ULK4: variants seen among roughly 807,000 people sequenced by gnomAD.
ULK4 encodes the protein unc-51 like kinase 4, also known as inactive serine/threonine-protein kinase ULK4.
ULK4 carries 133 observed loss-of-function variants against 160.6 expected under a neutral mutation model. The ratio of observed to expected loss-of-function variants is 0.83; its 90% CI spans 0.72 to 0.96. The LOEUF is 0.96. Among genes scored for constraint, ULK4 ranks in the 40% least tolerant of loss-of-function variants. The pLI, the probability that ULK4 is intolerant of heterozygous loss-of-function variation, is 0.00. For synonymous variants in ULK4, 534 were observed against 539.8 expected (o/e 0.99, Z 0.15); for missense variants, 1,580 against 1,499.5 (o/e 1.05, Z -0.89).
At chr3:41,760,018 C>T (rs1185129165) in intron 21 of ULK4, among the ~76,000 whole-genome samples, 2 of 151,980 alleles carry the variant, frequency 1.3e-5, no homozygotes, top group African/African-American at 4.8e-5. Flanking sequence ...CTGTGAAGGA[C>T]ACTGTAAGAA....
chr3:41,322,135 AGTT>A (rs1378130339), intron 35 of ULK4, among the ~76,000 whole-genome samples: 1 of 144,138 alleles, frequency 6.9e-6, no homozygotes, highest in Non-Finnish European at 1.5e-5. Flanking sequence ...GGGTTCAAGC[AGTT>A]GTTGTGCCTC....
chr3:41,347,090 G>C (rs916199757), intron 35 of ULK4, among the ~76,000 whole-genome samples: 1 of 151,930 alleles, frequency 6.6e-6, no homozygotes, highest in Non-Finnish European at 1.5e-5. Flanking sequence ...AACCCACATA[G>C]GATTCATAAG....
chr3:41,792,291 G>C (rs2040173788), intron 20 of ULK4, among the ~76,000 whole-genome samples: 1 of 152,064 alleles, frequency 6.6e-6, no homozygotes, highest in South Asian at 2.1e-4. Context: ...AGGGGTGTGT[G>C]TGTGTATAGA....
intron 35 of ULK4, among the ~76,000 whole-genome samples, chr3:41,360,353 C>G (rs990103649): frequency 1.3e-5 from 2 of 152,112 alleles, no homozygotes; most frequent in African/African-American, 4.8e-5. Flanking sequence ...TGGAAGACAG[C>G]GTAGCAATTC....
chr3:41,751,852 C>T (rs1435035209), intron 22 of ULK4, among the ~76,000 whole-genome samples: 3 of 152,160 alleles, frequency 2.0e-5, no homozygotes, highest in African/African-American at 7.2e-5. Context: ...GCACAGGAAA[C>T]AGCAACCAAG....
chr3:41,681,747 A>G lies in ULK4; in HGVS notation c.2833+6T>C. ...ATGCAATTCTTGCTGGTGTCATCACACTTACCATTTTGGCTTTGAACCAAG... is the reference window on the plus strand; with the variant it reads ...ATGCAATTCTTGCTGGTGTCATCACGCTTACCATTTTGGCTTTGAACCAAG... On this transcript the variant is annotated splice_donor_region_variant and intron_variant, in intron 28 of 36. Coordinates refer to ENST00000301831, the MANE Select transcript of ULK4 (RefSeq NM_017886.4). The G allele has an allele frequency of 6.2e-7, 1 of 1,614,130 alleles. No homozygotes were observed. Among genetic ancestry groups the G allele is most frequent in the South Asian group, 1.1e-5 (1 of 91,088 alleles).
At chr3:41,401,805 C>G (rs772847836) in intron 34 of ULK4, among the ~76,000 whole-genome samples, 11 of 152,136 alleles carry the variant, frequency 7.2e-5, no homozygotes, top group Non-Finnish European at 1.6e-4. Context: ...CCATCATTGA[C>G]TGCACTAAGT....
chr3:41,518,008 C>G (rs188950849), intron 32 of ULK4, among the ~76,000 whole-genome samples: 12 of 152,274 alleles, frequency 7.9e-5, no homozygotes, highest in African/African-American at 2.6e-4. Context: ...CAACCCAAAT[C>G]AGAACCGTGT....
At chr3:41,566,539 T>G (rs775579050) in intron 31 of ULK4, among the ~76,000 whole-genome samples, 5 of 152,250 alleles carry the variant, frequency 3.3e-5, no homozygotes, top group Non-Finnish European at 5.9e-5. Context: ...CTGATATTTT[T>G]CCCACTTTAG....
intron 4 of ULK4, among the ~76,000 whole-genome samples, chr3:41,935,465 G>C (rs913328892): frequency 6.6e-5 from 10 of 151,310 alleles, no homozygotes; most frequent in African/African-American, 2.4e-4. Flanking sequence ...TCTTGACCTC[G>C]TGATCCGCCC....
chr3:41,495,393 G>T (rs1456685192), intron 32 of ULK4, among the ~76,000 whole-genome samples: 4 of 151,956 alleles, frequency 2.6e-5, no homozygotes, highest in Non-Finnish European at 5.9e-5. Context: ...AGCTGAAACT[G>T]GATCCCTTCC....
In ULK4 at chr3:41,776,151, T is replaced by C. The variant is rs187689419; in HGVS notation, c.2193+13510A>G. 5.6e-4 allele frequency among the ~76,000 whole-genome samples: 85 copies of C among 151,186 alleles called. 2 individuals are homozygous for C. The highest frequency in any genetic ancestry group is 1.5e-3 in the South Asian group (7 of 4,826). ...TACATGTTCGCCAATCTGAAGATTA[T>C]AGAATAGTCATTTTAACTTTCATTT... is the stretch of plus-strand genomic sequence containing the variant. On this transcript the variant is annotated intron_variant, in intron 21 of 36. Coordinates refer to ENST00000301831, the MANE Select transcript of ULK4 (RefSeq NM_017886.4).
chr3:41,807,114 C>G (rs1252912549), intron 19 of ULK4, among the ~76,000 whole-genome samples: 1 of 151,502 alleles, frequency 6.6e-6, no homozygotes, highest in African/African-American at 2.4e-5. Flanking sequence ...GGCAATACAG[C>G]CAGATCTTGT....
At chr3:41,959,397 G>A (rs1407664218) in intron 1 of ULK4, among the ~76,000 whole-genome samples, 1 of 150,398 alleles carries the variant, frequency 6.6e-6, no homozygotes, top group East Asian at 2.0e-4. Flanking sequence ...CATGGTGGCG[G>A]GCGCCTGTAA....
intron 35 of ULK4, among the ~76,000 whole-genome samples, chr3:41,387,097 A>T (rs1021923253): frequency 3.4e-4 from 52 of 151,824 alleles, no homozygotes; most frequent in Non-Finnish European, 3.5e-4. Context: ...GATAGACTTT[A>T]AAAAAAATTG....
In ULK4 at chr3:41,663,600, C is replaced by T. The variant is rs2035255433; in HGVS notation, c.3071+7G>A. 1 of 1,611,290 alleles carries T rather than the reference C, an allele frequency of 6.2e-7. No individual in the cohort carries two copies. The highest frequency in any genetic ancestry group is 8.5e-7 in the Non-Finnish European group (1 of 1,177,644). On this transcript the variant is annotated splice_region_variant and intron_variant, in intron 30 of 36. Transcript: ENST00000301831. ...ACACAAGAAAAAGAAATTTGAACTT[C>T]CAGTACCTTGTGAAAGTTGGGTTGT...
In ULK4 at chr3:41,285,165, T is replaced by A. The variant is rs368370015; in HGVS notation, c.3679-35591A>T. ...GGAATGTAAACTAGCACAGCCACTA[T>A]GGAAAACAGTGTGGAGATTCCTTAA... On this transcript the variant is annotated intron_variant, in intron 35 of 36. Coordinates refer to ENST00000301831, the MANE Select transcript of ULK4 (RefSeq NM_017886.4). Among the ~76,000 whole-genome samples the A allele has an allele frequency of 8.5e-5, 13 of 152,318 alleles. No homozygotes were observed. The East Asian group carries it at 1.9e-3, about 23-fold the overall frequency.
chr3:41,536,861 T>TGAC (rs56054918), intron 32 of ULK4, among the ~76,000 whole-genome samples: 6 of 151,568 alleles, frequency 4.0e-5, no homozygotes, highest in African/African-American at 1.2e-4. Flanking sequence ...ATAATTTGTC[T>TGAC]TTTTGTTTTT....
intron 32 of ULK4, among the ~76,000 whole-genome samples, chr3:41,490,405 C>T (rs550618016): frequency 7.9e-5 from 12 of 152,270 alleles, no homozygotes; most frequent in East Asian, 7.7e-4. Flanking sequence ...TCTCATCATT[C>T]GCTCCTGCCT....
Sources: gnomAD v4.1 joint callset for allele counts (sites outside exome capture counted in the v4.1 genomes callset) on GRCh38, gnomAD v4.1.1 for gene constraint, MANE v1.5 for transcripts, NCBI Gene and HGNC (gene_info 2026-07-23, HGNC 2026-07-21) for gene names.